Variants in AFAP1 observed in about 807,000 individuals in gnomAD.
AFAP1 encodes the protein actin filament-associated protein 1.
In AFAP1, 75 loss-of-function variants were observed where a neutral mutation model predicts 93.9. That is an observed-to-expected ratio of 0.80 (90% confidence interval 0.66 to 0.97). The LOEUF (loss-of-function observed/expected upper bound fraction) is 0.97. AFAP1 is among the 50% of genes least tolerant of loss of function. AFAP1 has a pLI of 0.00. For synonymous variants in AFAP1, 517 were observed against 430.7 expected, an observed-to-expected ratio of 1.20 and a Z score of -2.48; for missense variants, 1,201 against 1,050.8, an observed-to-expected ratio of 1.14 and a Z score of -1.98.
At position 7,861,518 on chromosome 4, in the gene AFAP1, G is replaced by A. The variant is rs1003231974; in HGVS notation, c.226-5944C>T. 1.8e-4 allele frequency among the ~76,000 whole-genome samples: 27 copies of A among 152,178 alleles called. 1 individual carries two copies. Among genetic ancestry groups the A allele is most frequent in the African/African-American group, 4.3e-4 (18 of 41,444 alleles). On this transcript the variant is annotated intron_variant, in intron 3 of 17. Coordinates refer to ENST00000420658, the MANE Select transcript of AFAP1 (RefSeq NM_001134647.2). ...CTGTTAAGTCTGCATTCCACACAGC[G>A]CTTGAGTAAACACTGGGAAGATTGT...
At position 7,855,593 on chromosome 4, in the gene AFAP1, G is replaced by T. The variant is rs1475715643; in HGVS notation, c.226-19C>A. On this transcript the variant is annotated intron_variant, in intron 3 of 17. Transcript: ENST00000420658. ...CAGGAGGCTGAGGAAGAAAGGAAAAGTGACACAGAAATTAGCATGACCATT... is the reference window on the plus strand; with the variant it reads ...CAGGAGGCTGAGGAAGAAAGGAAAATTGACACAGAAATTAGCATGACCATT... The T allele has an allele frequency of 1.9e-6, 3 of 1,569,962 alleles. No homozygotes were observed. In the East Asian group the frequency reaches 6.7e-5, roughly 35 times the overall value.
rs368321760 is a variant in AFAP1 at position 7,910,875 on chromosome 4, G to A, written c.-3+28781C>T. Among the ~76,000 whole-genome samples the A allele has an allele frequency of 5.2e-3, 789 of 152,294 alleles. 7 individuals are homozygous for A. Among genetic ancestry groups the A allele is most frequent in the Non-Finnish European group, 9.1e-3 (620 of 68,010 alleles). ...CACGTATTCCCACTGCGGTGAGGGC[G>A]TGCTTGAGAGGCACCCCACGACTGG... is the stretch of plus-strand genomic sequence containing the variant. On this transcript the variant is annotated intron_variant, in intron 1 of 17. Transcript: ENST00000420658.
intron 1 of AFAP1, among the ~76,000 whole-genome samples, chr4:7,881,759 C>T (rs1373399864): frequency 4.7e-5 from 7 of 148,550 alleles, no homozygotes; most frequent in Non-Finnish European, 1.0e-4. Flanking sequence ...TCAGCCTGGG[C>T]GACAGAGTGA....
intron 1 of AFAP1, among the ~76,000 whole-genome samples, chr4:7,924,720 G>C (rs1159031036): frequency 6.6e-6 from 1 of 151,976 alleles, no homozygotes; most frequent in East Asian, 1.9e-4. Flanking sequence ...GCAGCTGCCC[G>C]CCCAGGACAC....
At chr4:7,765,939 G>C (rs765744134) in intron 17 of AFAP1, among the ~76,000 whole-genome samples, 2 of 152,188 alleles carry the variant, frequency 1.3e-5, no homozygotes, top group Admixed American at 1.3e-4. Flanking sequence ...CTCTGCGCCC[G>C]CCCAGTGACC....
chr4:7,824,498 G>A (rs531702969), intron 6 of AFAP1, among the ~76,000 whole-genome samples: 1 of 152,278 alleles, frequency 6.6e-6, no homozygotes, highest in South Asian at 2.1e-4. Flanking sequence ...TGGAGACAGA[G>A]AGCAGAAACA....
chr4:7,812,185 G>A (rs566763830), intron 8 of AFAP1, among the ~76,000 whole-genome samples: 13 of 152,208 alleles, frequency 8.5e-5, no homozygotes, highest in Admixed American at 5.9e-4. Flanking sequence ...CACCACAGCC[G>A]CATTCCCGTG....
chr4:7,878,501 G>A (rs1385862941), intron 1 of AFAP1, among the ~76,000 whole-genome samples: 2 of 152,208 alleles, frequency 1.3e-5, no homozygotes, highest in East Asian at 3.8e-4. Flanking sequence ...GCTTCTCCAA[G>A]GTCAAGAACA....
intron 1 of AFAP1, among the ~76,000 whole-genome samples, chr4:7,889,570 A>G (rs1051571217): frequency 4.7e-5 from 7 of 148,864 alleles, no homozygotes; most frequent in African/African-American, 1.5e-4. Flanking sequence ...AAAAAAAAAA[A>G]GGCATACATA....
rs1714988010 is a variant in AFAP1 at position 7,768,839 on chromosome 4, C to T, written c.2418+5G>A. The T allele has an allele frequency of 1.0e-5, 16 of 1,586,860 alleles. No homozygotes were observed. Among genetic ancestry groups the T allele is most frequent in the South Asian group, 2.2e-5 (2 of 88,902 alleles). On this transcript the variant is annotated splice_donor_5th_base_variant and intron_variant, in intron 17 of 17. Transcript: ENST00000420658. ...ACCCAGACACCCCCGGACATCAGGG[C>T]TTACCTTGGCCTTCCGCAGCACATG...
intron 1 of AFAP1, among the ~76,000 whole-genome samples, chr4:7,873,652 C>T (rs1401077323): frequency 2.6e-5 from 4 of 152,090 alleles, no homozygotes; most frequent in African/African-American, 9.7e-5. Flanking sequence ...CCGACCAACA[C>T]ACACCTTTTT....
chr4:7,812,423 T>G (rs964897879), intron 8 of AFAP1, among the ~76,000 whole-genome samples: 6 of 152,084 alleles, frequency 3.9e-5, no homozygotes, highest in African/African-American at 1.2e-4. Flanking sequence ...TTGGAATTCC[T>G]TGAATACTCC....
chr4:7,832,399 A>T (rs1711736468), intron 6 of AFAP1, among the ~76,000 whole-genome samples: 1 of 151,970 alleles, frequency 6.6e-6, no homozygotes, highest in South Asian at 2.1e-4. Flanking sequence ...TGCTCTTGTC[A>T]TGGGGTCAGA....
At chr4:7,848,164 TGGGAGGGAGGGA>T (rs202157134) in intron 4 of AFAP1, among the ~76,000 whole-genome samples, 1 of 75,778 alleles carries the variant, frequency 1.3e-5, no homozygotes, top group East Asian at 4.9e-4. Flanking sequence ...GATGGGTAAG[TGGGAGGGAGGGA>T]GGGAGGGAGG....
intron 1 of AFAP1, among the ~76,000 whole-genome samples, chr4:7,876,554 C>T (rs1452362286): frequency 3.9e-5 from 6 of 152,130 alleles, no homozygotes; most frequent in African/African-American, 7.2e-5. Flanking sequence ...CACTGGAGGA[C>T]GAACACACAG....
At chr4:7,799,037 C>T (rs1487984240) in intron 10 of AFAP1, 2 of 985,962 alleles carry the variant, frequency 2.0e-6, no homozygotes, top group East Asian at 1.1e-4. Flanking sequence ...CGCCATCCAC[C>T]CTCCAGTTTT....
intron 1 of AFAP1, among the ~76,000 whole-genome samples, chr4:7,903,791 A>G (rs1719248624): frequency 6.6e-6 from 1 of 152,210 alleles, no homozygotes; most frequent in African/African-American, 2.4e-5. Flanking sequence ...TCCTTCCTGG[A>G]TCCTTGTCCC....
intron 1 of AFAP1, among the ~76,000 whole-genome samples, chr4:7,889,101 T>C (rs73073939): frequency 0.15 from 22,179 of 152,062 alleles, 2,466 homozygotes; most frequent in East Asian, 0.52. Context: ...ATTAACAAAA[T>C]TTTTAGCAAA....
chr4:7,819,198 G>C, intron 6 of AFAP1, 27 bp from the exon 7 acceptor site: 1 of 1,582,372 alleles, frequency 6.3e-7, no homozygotes, highest in Non-Finnish European at 8.6e-7. Context: ...CACTTTGTGA[G>C]TATGCCCAAA....
Sources: gnomAD v4.1 joint callset for allele counts (sites outside exome capture counted in the v4.1 genomes callset) on GRCh38, gnomAD v4.1.1 for gene constraint, MANE v1.5 for transcripts, NCBI Gene and HGNC (gene_info 2026-07-23, HGNC 2026-07-21) for gene names.